ERC1: variants seen among roughly 807,000 people sequenced by gnomAD.
The protein encoded by ERC1 is ELKS/RAB6-interacting/CAST family member 1.
In ERC1, 56 loss-of-function variants were observed where a neutral mutation model predicts 132.0. The observed-to-expected ratio is 0.42, with a 90% CI of 0.34 to 0.53. The LOEUF is 0.53. ERC1 is among the 20% of genes least tolerant of loss of function. The probability of loss-of-function intolerance (pLI) is 0.03; values close to 1 mark genes in which losing one functional copy is unlikely to be tolerated. For synonymous variants in ERC1, 478 were observed against 476.1 expected (o/e 1.00, Z -0.05); for missense variants, 1,202 against 1,349.9 (o/e 0.89, Z 1.72).
At chr12:1,305,156 G>A (rs2080785417) in intron 15 of ERC1, among the ~76,000 whole-genome samples, 1 of 152,048 alleles carries the variant, frequency 6.6e-6, no homozygotes, top group Admixed American at 6.5e-5. Context: ...ACTTTCCTTG[G>A]GAGTCCTGTT....
chr12:1,155,878 TAAATAAAAATAA>T (rs1196397655), intron 8 of ERC1, among the ~76,000 whole-genome samples: 1 of 151,662 alleles, frequency 6.6e-6, no homozygotes, highest in African/African-American at 2.4e-5. Flanking sequence ...AAAAAATAAA[TAAATAAAAATAA>T]AAATTACCAA....
At chr12:1,130,944 G>T (rs780891556) in intron 7 of ERC1, among the ~76,000 whole-genome samples, 4 of 152,016 alleles carry the variant, frequency 2.6e-5, no homozygotes, top group Non-Finnish European at 4.4e-5. Context: ...ATTTTTCTCA[G>T]CTTTAAAGTT....
intron 8 of ERC1, among the ~76,000 whole-genome samples, chr12:1,145,741 A>T (rs770079290): frequency 6.6e-5 from 10 of 152,048 alleles, no homozygotes; most frequent in Admixed American, 1.3e-4. Context: ...TCTTGAGTTG[A>T]TTTTTGTATA....
chr12:1,167,956 C>T (rs1341538200), intron 8 of ERC1, among the ~76,000 whole-genome samples: 1 of 151,990 alleles, frequency 6.6e-6, no homozygotes, highest in Non-Finnish European at 1.5e-5. Context: ...CCTTGTGATC[C>T]ACCCACCTTG....
intron 18 of ERC1, among the ~76,000 whole-genome samples, chr12:1,473,050 G>A (rs186714496): frequency 6.6e-6 from 1 of 152,268 alleles, no homozygotes; most frequent in African/African-American, 2.4e-5. Flanking sequence ...TTCTGAGAAG[G>A]AGTCTCACTC....
intron 13 of ERC1, among the ~76,000 whole-genome samples, chr12:1,246,353 T>A (rs1281261861): frequency 6.6e-6 from 1 of 152,104 alleles, no homozygotes; most frequent in East Asian, 1.9e-4. Context: ...AAGATAGTAT[T>A]TTAATCGTGA....
intron 15 of ERC1, among the ~76,000 whole-genome samples, chr12:1,326,471 A>T (rs532047086): frequency 1.3e-5 from 2 of 152,286 alleles, no homozygotes; most frequent in South Asian, 4.1e-4. Flanking sequence ...AAAGGATGCA[A>T]ACTAAGTTTT....
At chr12:1,101,701 A>T (rs1944678061) in intron 3 of ERC1, among the ~76,000 whole-genome samples, 1 of 152,196 alleles carries the variant, frequency 6.6e-6, no homozygotes, top group Non-Finnish European at 1.5e-5. Context: ...AGGAATTCAG[A>T]TATCACACGG....
At chr12:1,339,625 A>G (rs2083636752) in intron 15 of ERC1, among the ~76,000 whole-genome samples, 2 of 152,246 alleles carry the variant, frequency 1.3e-5, no homozygotes, top group South Asian at 2.1e-4. Flanking sequence ...GCCTGCCCCC[A>G]TGTAGGCATT....
chr12:1,233,658 G>T (rs928582841), intron 12 of ERC1, among the ~76,000 whole-genome samples: 1 of 151,914 alleles, frequency 6.6e-6, no homozygotes, highest in Non-Finnish European at 1.5e-5. Context: ...GAGATATAGA[G>T]AAACAAGTTG....
At chr12:1,111,060 AG>A (rs1489493770) in intron 5 of ERC1, among the ~76,000 whole-genome samples, 1 of 152,070 alleles carries the variant, frequency 6.6e-6, no homozygotes, top group Non-Finnish European at 1.5e-5. Context: ...CTCCAAATAC[AG>A]TTCTGTAACG....
intron 8 of ERC1, among the ~76,000 whole-genome samples, chr12:1,179,732 C>A (rs931920371): frequency 2.0e-5 from 3 of 152,108 alleles, no homozygotes; most frequent in Non-Finnish European, 2.9e-5. Context: ...TGGTCTTGAT[C>A]TCCTGACCTC....
At chr12:1,122,203 G>C (rs56651337) in intron 7 of ERC1, among the ~76,000 whole-genome samples, 152 of 15,118 alleles carry the variant, frequency 0.01, no homozygotes, top group East Asian at 0.044. Flanking sequence ...ATCTCTATCT[G>C]TGTCTCTATC....
intron 12 of ERC1, among the ~76,000 whole-genome samples, chr12:1,205,875 T>A (rs1444180826): frequency 3.9e-5 from 6 of 152,208 alleles, no homozygotes; most frequent in African/African-American, 1.4e-4. Context: ...CCATAGTTAG[T>A]CCTTTGCACG....
chr12:1,223,919 C>CA (rs1373459868), intron 12 of ERC1, among the ~76,000 whole-genome samples: 1 of 152,096 alleles, frequency 6.6e-6, no homozygotes, highest in African/African-American at 2.4e-5. Flanking sequence ...CATGGCACCT[C>CA]ACGATAGGAA....
At chr12:1,031,826 G>C (rs1968096473) in intron 2 of ERC1, among the ~76,000 whole-genome samples, 1 of 152,058 alleles carries the variant, frequency 6.6e-6, no homozygotes, top group Admixed American at 6.6e-5. Context: ...CCACTGATGG[G>C]GTCTAAAATT....
At chr12:1,364,939 ATC>A (rs1264804035) in intron 15 of ERC1, among the ~76,000 whole-genome samples, 1 of 152,118 alleles carries the variant, frequency 6.6e-6, no homozygotes, top group African/African-American at 2.4e-5. Flanking sequence ...ATAAACCAAA[ATC>A]TCTCTCTTTT....
intron 15 of ERC1, among the ~76,000 whole-genome samples, chr12:1,344,300 T>C (rs1469802532): frequency 6.6e-6 from 1 of 152,202 alleles, no homozygotes; most frequent in Non-Finnish European, 1.5e-5. Flanking sequence ...GTGGCTTTTC[T>C]TCGCTAATCA....
chr12:1,418,468 A>G (rs1476756819), intron 17 of ERC1, among the ~76,000 whole-genome samples: 1 of 152,174 alleles, frequency 6.6e-6, no homozygotes, highest in Non-Finnish European at 1.5e-5. Context: ...CCAGTTTATT[A>G]CTGTTATTAG....
Sources: allele counts gnomAD v4.1 joint callset (sites outside exome capture counted in the v4.1 genomes callset), GRCh38; gene constraint gnomAD v4.1.1; transcripts MANE v1.5; gene names NCBI Gene and HGNC (gene_info 2026-07-23, HGNC 2026-07-21).